Variants in ZBTB49 observed in about 807,000 individuals in gnomAD.
ZBTB49 encodes zinc finger and BTB domain-containing protein 49.
A neutral mutation model predicts 57.5 loss-of-function variants in ZBTB49; 43 were observed. That is an observed-to-expected ratio of 0.75 (90% CI 0.59 to 0.97). The LOEUF (loss-of-function observed/expected upper bound fraction) is 0.97, where lower values mean the gene tolerates loss of function less well. Among genes scored for constraint, ZBTB49 ranks in the 50% least tolerant of loss-of-function variants. ZBTB49 has a pLI of 0.00. For synonymous variants in ZBTB49, 369 were observed against 362.1 expected (o/e 1.02, Z -0.22); for missense variants, 938 against 947.7 (o/e 0.99, Z 0.13).
At chr4:4,313,733 T>C (rs1307685922) in intron 5 of ZBTB49, among the ~76,000 whole-genome samples, 2 of 152,230 alleles carry the variant, frequency 1.3e-5, no homozygotes, top group Non-Finnish European at 2.9e-5. Flanking sequence ...CCCTCGACCC[T>C]CCTTCCTGTC....
chr4:4,308,290 G>C (rs970701712), intron 4 of ZBTB49, among the ~76,000 whole-genome samples: 1 of 152,148 alleles, frequency 6.6e-6, no homozygotes, highest in Admixed American at 6.5e-5. Context: ...TGTTGGCCAG[G>C]ATGGTCTCAA....
chr4:4,308,606 T>A (rs1246923637), intron 4 of ZBTB49, among the ~76,000 whole-genome samples: 2 of 152,236 alleles, frequency 1.3e-5, no homozygotes, highest in Non-Finnish European at 2.9e-5. Flanking sequence ...TTTATTTTCA[T>A]AGTAAAGTAT....
At chr4:4,305,175 A>G (rs776100852) in intron 3 of ZBTB49, among the ~76,000 whole-genome samples, 65 of 151,432 alleles carry the variant, frequency 4.3e-4, no homozygotes, top group Non-Finnish European at 2.8e-4. Context: ...TAATATAAAT[A>G]TAATTATTCA....
chr4:4,306,016 T>C (rs1720719044), intron 3 of ZBTB49, 122 bp from the exon 4 acceptor site: 1 of 707,434 alleles, frequency 1.4e-6, no homozygotes, highest in Admixed American at 2.8e-5. Context: ...CTCCCTATTT[T>C]CATACTGTTA....
intron 4 of ZBTB49, among the ~76,000 whole-genome samples, chr4:4,310,340 G>T (rs1720929919): frequency 6.6e-6 from 1 of 152,108 alleles, no homozygotes; most frequent in Non-Finnish European, 1.5e-5. Context: ...ATGACCCAAG[G>T]CTGGTTACTA....
At chr4:4,305,697 C>CA (rs1173892947) in intron 3 of ZBTB49, among the ~76,000 whole-genome samples, 1 of 152,198 alleles carries the variant, frequency 6.6e-6, no homozygotes, top group Non-Finnish European at 1.5e-5. Context: ...TCAGGACGAC[C>CA]CACTGTGTTT....
intron 1 of ZBTB49, among the ~76,000 whole-genome samples, chr4:4,297,321 C>T (rs6848757): frequency 0.069 from 10,478 of 152,258 alleles, 929 homozygotes; most frequent in East Asian, 0.32. Context: ...CCCCCCACCT[C>T]AGCCTCCTAA....
At chr4:4,303,231 C>A in intron 3 of ZBTB49, 140 bp downstream of exon 3, 2 of 1,035,484 alleles carry the variant, frequency 1.9e-6, no homozygotes, top group South Asian at 3.4e-5. Flanking sequence ...GGGGGATTAA[C>A]TACTTTTTGT....
At chr4:4,316,081 G>GT (rs1393523677) in intron 7 of ZBTB49, 111 bp downstream of exon 7, 14 of 1,388,800 alleles carry the variant, frequency 1.0e-5, no homozygotes, top group Non-Finnish European at 1.3e-5. Context: ...GTTTCCTCCT[G>GT]TTTTTTTATT....
At chr4:4,293,203 T>A (rs1720025904) in intron 1 of ZBTB49, among the ~76,000 whole-genome samples, 1 of 152,068 alleles carries the variant, frequency 6.6e-6, no homozygotes, top group South Asian at 2.1e-4. Context: ...ATAAGACAGA[T>A]GGAGTCCATG....
At position 4,313,727 on chromosome 4, in the gene ZBTB49, C is replaced by T. The variant is rs556713728; in HGVS notation, c.1376+613C>T. 2.6e-5 allele frequency among the ~76,000 whole-genome samples: 4 copies of T among 152,314 alleles called. 1 individual carries two copies. The highest frequency in any genetic ancestry group is 7.2e-5 in the African/African-American group (3 of 41,564). On this transcript the variant is annotated intron_variant, in intron 5 of 7. Coordinates refer to ENST00000337872, the MANE Select transcript of ZBTB49 (RefSeq NM_145291.4). The stretch of plus-strand genomic sequence containing the variant: ...TGCTGTGTGTGCAGGCTGGCACCCT[C>T]GACCCTCCTTCCTGTCCTTGGGCTG...
At chr4:4,318,772 A>T (rs1721289478) in intron 7 of ZBTB49, among the ~76,000 whole-genome samples, 1 of 152,066 alleles carries the variant, frequency 6.6e-6, no homozygotes, top group African/African-American at 2.4e-5. Flanking sequence ...ATATGCTTTC[A>T]CTCTAGTGTT....
chr4:4,314,387 T>C (rs1390917420), intron 5 of ZBTB49, among the ~76,000 whole-genome samples: 12 of 152,250 alleles, frequency 7.9e-5, no homozygotes, highest in Admixed American at 5.2e-4. Flanking sequence ...ATTTATTTTT[T>C]TGAGACAGAG....
chr4:4,310,693 G>C (rs1250257991), intron 4 of ZBTB49, among the ~76,000 whole-genome samples: 2 of 104,600 alleles, frequency 1.9e-5, no homozygotes, highest in Non-Finnish European at 4.0e-5. Context: ...TTTTTTTTTT[G>C]TATTTTTAGT....
In ZBTB49 at chr4:4,315,737, CTAT is replaced by C. The variant is rs1721166303; in HGVS notation, c.1459+21_1459+23del. 2 of 1,611,558 alleles carry C rather than the reference CTAT, an allele frequency of 1.2e-6. No individual in the cohort carries two copies. The highest frequency in any genetic ancestry group is 2.7e-5 in the African/African-American group (2 of 73,778). On this transcript the variant is annotated intron_variant, in intron 6 of 7. Coordinates refer to ENST00000337872, the MANE Select transcript of ZBTB49 (RefSeq NM_145291.4). Reference sequence around the variant, plus strand: ...GGTCGAGGTACAGCTGAGTGTTTTCCTATTCTTCTTGAAGATTTCTGATTAAAA... The same window carrying C: ...GGTCGAGGTACAGCTGAGTGTTTTCCTCTTCTTGAAGATTTCTGATTAAAA...
intron 4 of ZBTB49, among the ~76,000 whole-genome samples, chr4:4,309,732 A>G (rs1720902361): frequency 6.6e-6 from 1 of 152,202 alleles, no homozygotes; most frequent in Non-Finnish European, 1.5e-5. Flanking sequence ...CAGAGGTGAC[A>G]GTGTCAGCCA....
intron 7 of ZBTB49, among the ~76,000 whole-genome samples, chr4:4,316,407 T>TC (rs1432784387): frequency 2.6e-5 from 4 of 152,180 alleles, no homozygotes; most frequent in African/African-American, 9.6e-5. Context: ...ACTTGATGCT[T>TC]CGTTTGAGAG....
chr4:4,315,973 G>A lies in ZBTB49; in HGVS notation c.1621+3G>A. On this transcript the variant is annotated splice_donor_region_variant and intron_variant, in intron 7 of 7. Transcript: ENST00000337872. ...GCCTTACAGCTGCTCTGCCTGCGGTGAGTTTGGGTTTCTGGCTGTCCCCTA... is the reference window on the plus strand; with the variant it reads ...GCCTTACAGCTGCTCTGCCTGCGGTAAGTTTGGGTTTCTGGCTGTCCCCTA... 6.2e-7 allele frequency: 1 copy of A among 1,613,666 alleles called. No individual in the cohort carries two copies. The highest frequency in any genetic ancestry group is 1.1e-5 in the South Asian group (1 of 91,044).
intron 1 of ZBTB49, among the ~76,000 whole-genome samples, chr4:4,296,763 G>C (rs1276842627): frequency 1.3e-5 from 2 of 152,180 alleles, no homozygotes; most frequent in South Asian, 2.1e-4. Flanking sequence ...AGGAACCTAG[G>C]GGGAGGGCTT....
Sources: gnomAD v4.1 joint callset for allele counts (sites outside exome capture counted in the v4.1 genomes callset) on GRCh38, gnomAD v4.1.1 for gene constraint, MANE v1.5 for transcripts, NCBI Gene and HGNC (gene_info 2026-07-23, HGNC 2026-07-21) for gene names.